ZCCHC3: variants seen among roughly 807,000 people sequenced by gnomAD.
ZCCHC3 encodes the protein zinc finger CCHC domain-containing protein 3.
In ZCCHC3, 20 loss-of-function variants were observed where a neutral mutation model predicts 18.4. The observed-to-expected ratio is 1.09, with a 90% confidence interval of 0.76 to 1.58. The LOEUF (loss-of-function observed/expected upper bound fraction) is 1.58. ZCCHC3 is among the 40% of genes most tolerant of loss of function. The pLI, the probability that ZCCHC3 is intolerant of heterozygous loss-of-function variation, is 0.00. For synonymous variants in ZCCHC3, 310 were observed against 232.7 expected, an observed-to-expected ratio of 1.33 and a Z score of -3.02; for missense variants, 548 against 511.2, an observed-to-expected ratio of 1.07 and a Z score of -0.69.
rs1215191330 is a variant in ZCCHC3 at position 299,659 on chromosome 20, G to T, written c.*861G>T. On this transcript the variant is annotated 3_prime_UTR_variant, in exon 1 of 1. Transcript: ENST00000500893. ...GTAGAGTCCCCTGACCCCAAGCCCGGTGCTCATTCCACTACCTCTCACACT... is the reference window on the plus strand; with the variant it reads ...GTAGAGTCCCCTGACCCCAAGCCCGTTGCTCATTCCACTACCTCTCACACT... The T allele has an allele frequency of 6.0e-6, 1 of 167,262 alleles. No individual in the cohort carries two copies. Among genetic ancestry groups the T allele is most frequent in the Non-Finnish European group, 1.5e-5 (1 of 68,284 alleles). 10.4% of individuals were successfully genotyped at this position (167,262 alleles called of 1,614,324 possible). A position where few individuals can be genotyped will look rare whatever the true frequency, so the allele number is the denominator to read the frequency against.
In ZCCHC3 at chr20:298,050, C is replaced by CGGT. The variant is rs2012674336; in HGVS notation, c.466_467insTGG (p.Ala155_Ala156insVal). 1.3e-6 allele frequency: 2 copies of CGGT among 1,506,040 alleles called. No individual in the cohort carries two copies. The highest frequency in any genetic ancestry group is 2.8e-5 in the African/African-American group (2 of 72,228). 93.3% of individuals were successfully genotyped at this position (1,506,040 alleles called of 1,614,324 possible). On this transcript the variant is annotated inframe_insertion, in exon 1 of 1. Coordinates refer to ENST00000500893, the MANE Select transcript of ZCCHC3 (RefSeq NM_033089.7). The stretch of plus-strand genomic sequence containing the variant: ...GAGCGGCCCCTCCAGGATGAGCCGG[C>CGGT]GGCGGCGGCAGGCCCGGGCAAGGGT...
chr20:298,467 C>G lies in ZCCHC3; in HGVS notation c.881C>G (p.Thr294Ser), dbSNP rs1344674008. 2.6e-6 allele frequency: 2 copies of G among 777,604 alleles called. No homozygotes were observed. The highest frequency in any genetic ancestry group is 4.8e-6 in the Non-Finnish European group (2 of 415,906). The allele number at this position is 777,604 out of a possible 1,614,324, so 48.2% of individuals were successfully genotyped here. A position where few individuals can be genotyped will look rare whatever the true frequency, so the allele number is the denominator to read the frequency against. The part of the protein sequence containing the change: ...VKVTDRFGIW[T>S]GEYKCEIELR... ...GTGACCGACAGGTTTGGGATCTGGA[C>G]CGGGGAGTACAAATGCGAGATCGAG... The change falls in exon 1 of 1, where the codon ACC becomes AGC. Residue 294 changes from threonine (T) to serine (S), a missense_variant. Transcript: ENST00000500893.
chr20:298,266 G>C lies in ZCCHC3; in HGVS notation c.680G>C (p.Arg227Pro). Residue 227 changes from arginine (R) to proline (P), a missense_variant, in exon 1 of 1, where the codon CGC (arginine) becomes CCC (proline). Coordinates refer to ENST00000500893, the MANE Select transcript of ZCCHC3 (RefSeq NM_033089.7). Reference protein sequence around the residue: ...RSAEKLALFLRVYEEKREQED... With the variant: ...RSAEKLALFLPVYEEKREQED... ...GCGGAGAAGCTGGCCCTGTTCCTAC[G>C]CGTCTACGAGGAGAAGCGGGAGCAG... 1 of 874,648 alleles carries C rather than the reference G, an allele frequency of 1.1e-6. No homozygotes were observed. Among genetic ancestry groups the C allele is most frequent in the South Asian group, 1.3e-5 (1 of 76,510 alleles). The allele number at this position is 874,648 out of a possible 1,614,324, so 54.2% of individuals were successfully genotyped here. A position where few individuals can be genotyped will look rare whatever the true frequency, so the allele number is the denominator to read the frequency against.
rs1026051991 is a variant in ZCCHC3 at position 298,032 on chromosome 20, C to T, written c.446C>T (p.Pro149Leu). The change falls in exon 1 of 1, where the codon CCC becomes CTC. Residue 149 changes from proline (P) to leucine (L), a missense_variant. Coordinates refer to ENST00000500893, the MANE Select transcript of ZCCHC3 (RefSeq NM_033089.7). ...PGEAEDAAER[P>L]LQDEPAAAAG... ...GAGGCCGAGGACGCGGCCGAGCGGC[C>T]CCTCCAGGATGAGCCGGCGGCGGCG... The T allele has an allele frequency of 5.5e-6, 8 of 1,453,042 alleles. No individual in the cohort carries two copies. The highest frequency in any genetic ancestry group is 2.7e-5 in the East Asian group (1 of 36,972). The allele number at this position is 1,453,042 out of a possible 1,614,324, so 90.0% of individuals were successfully genotyped here.
rs529564186 is a variant in ZCCHC3, at chr20:299,958, G to A, written c.*1160G>A. 1 of 167,186 alleles carries A rather than the reference G, an allele frequency of 6.0e-6. No individual in the cohort carries two copies. The highest frequency in any genetic ancestry group is 1.9e-4 in the East Asian group (1 of 5,190). The allele number at this position is 167,186 out of a possible 1,614,324, so 10.4% of individuals were successfully genotyped here. On this transcript the variant is annotated 3_prime_UTR_variant, in exon 1 of 1. Transcript: ENST00000500893. ...CATTCATTGCCACCAGTGAGAAATG[G>A]GGGTGCCCCTGTGTAAAGAAACCTA...
rs542278598 is a variant in ZCCHC3, at chr20:298,261, C to T, written c.675C>T (p.Phe225=). ...GCTCAGCGGAGAAGCTGGCCCTGTTCCTACGCGTCTACGAGGAGAAGCGGG... is the reference window on the plus strand; with the variant it reads ...GCTCAGCGGAGAAGCTGGCCCTGTTTCTACGCGTCTACGAGGAGAAGCGGG... The part of the protein sequence containing the change: ...SFRSAEKLAL[F]LRVYEEKREQ... The change falls in exon 1 of 1, where the codon TTC becomes TTT. Residue 225 remains phenylalanine, a synonymous_variant. Coordinates refer to ENST00000500893, the MANE Select transcript of ZCCHC3 (RefSeq NM_033089.7). The T allele has an allele frequency of 5.6e-6, 5 of 892,128 alleles. No individual in the cohort carries two copies. Among genetic ancestry groups the T allele is most frequent in the South Asian group, 5.2e-5 (4 of 76,876 alleles). The allele number at this position is 892,128 out of a possible 1,614,324, so 55.3% of individuals were successfully genotyped here. A position where few individuals can be genotyped will look rare whatever the true frequency, so the allele number is the denominator to read the frequency against.
chr20:298,143 G>A lies in ZCCHC3; in HGVS notation c.557G>A (p.Gly186Glu). The A allele has an allele frequency of 3.2e-6, 5 of 1,585,994 alleles. No individual in the cohort carries two copies. Among genetic ancestry groups the A allele is most frequent in the Non-Finnish European group, 4.3e-6 (5 of 1,156,704 alleles). The change falls in exon 1 of 1, where the codon GGA becomes GAA. Residue 186 changes from glycine to glutamate, a missense_variant. By Grantham distance (98) the Gly-to-Glu change is moderately conservative. Transcript: ENST00000500893. ...TGCCCGACCCGGGACTTCGTGGTAG[G>A]AGCGCTTATCCTGCGCTCCATCGGC... The part of the protein sequence containing the change: ...GACPTRDFVV[G>E]ALILRSIGMD...
In ZCCHC3 at chr20:298,391, A is replaced by G; in HGVS notation, c.805A>G (p.Ile269Val). The G allele has an allele frequency of 1.3e-6, 1 of 782,096 alleles. No homozygotes were observed. 48.4% of individuals were successfully genotyped at this position (782,096 alleles called of 1,614,324 possible). ...GAACGAGACGGTGGACGTGGAGGAC[A>G]TTGTGACTTGGCTCAAGCGCCACTG... ...FRNETVDVED[I>V]VTWLKRHCDV... is the part of the protein sequence containing the mutation. Residue 269 changes from isoleucine (I) to valine (V), a missense_variant, in exon 1 of 1, where the codon ATT becomes GTT. Ile to Val is a conservative substitution (Grantham distance 29). Transcript: ENST00000500893.
chr20:298,241 G>A lies in ZCCHC3; in HGVS notation c.655G>A (p.Ala219Thr). The change falls in exon 1 of 1, where the codon GCG becomes ACG. Residue 219 changes from alanine (A) to threonine (T), a missense_variant. By Grantham distance (58) the Ala-to-Thr change is moderately conservative. Transcript: ENST00000500893. ...CGAATTCGACGTGAGCTTCCGCTCA[G>A]CGGAGAAGCTGGCCCTGTTCCTACG... ...SREFDVSFRS[A>T]EKLALFLRVY... 2.0e-6 allele frequency: 2 copies of A among 983,118 alleles called. No individual in the cohort carries two copies. The highest frequency in any genetic ancestry group is 3.3e-6 in the Non-Finnish European group (2 of 602,852). The allele number at this position is 983,118 out of a possible 1,614,324, so 60.9% of individuals were successfully genotyped here.
In ZCCHC3 at chr20:298,737, A is replaced by G. The variant is rs780537940; in HGVS notation, c.1151A>G (p.Gln384Arg). 1.3e-6 allele frequency: 2 copies of G among 1,594,356 alleles called. No homozygotes were observed. The highest frequency in any genetic ancestry group is 1.1e-5 in the South Asian group (1 of 87,688). ...LCGKRGHAFA[Q>R]CPKAVHNSVA... ...GGCAAGCGAGGACACGCCTTTGCCC[A>G]GTGTCCCAAAGCAGTGCACAATTCC... The change falls in exon 1 of 1, where the codon CAG becomes CGG. Residue 384 changes from glutamine to arginine, a missense_variant. Coordinates refer to ENST00000500893, the MANE Select transcript of ZCCHC3 (RefSeq NM_033089.7).
At position 299,558 on chromosome 20, in the gene ZCCHC3, C is replaced by T. The variant is rs2012711508; in HGVS notation, c.*760C>T. ...TTGGACCAATTCCCTGGTTTTCCAG[C>T]AGATGAAACAGGCCCAAAGAGGTTA... On this transcript the variant is annotated 3_prime_UTR_variant, in exon 1 of 1. Coordinates refer to ENST00000500893, the MANE Select transcript of ZCCHC3 (RefSeq NM_033089.7). The T allele has an allele frequency of 6.0e-6, 1 of 167,074 alleles. No homozygotes were observed. Among genetic ancestry groups the T allele is most frequent in the African/African-American group, 2.4e-5 (1 of 41,444 alleles). 10.3% of individuals were successfully genotyped at this position (167,074 alleles called of 1,614,324 possible).
At position 297,631 on chromosome 20, in the gene ZCCHC3, G is replaced by A; in HGVS notation, c.45G>A (p.Arg15=). 2.9e-6 allele frequency: 4 copies of A among 1,379,478 alleles called. No individual in the cohort carries two copies. Among genetic ancestry groups the A allele is most frequent in the Admixed American group, 3.6e-5 (1 of 27,434 alleles). 85.5% of individuals were successfully genotyped at this position (1,379,478 alleles called of 1,614,324 possible). ...GGAEEERKRG[R]PQLLPPARPA... is the part of the protein sequence containing the mutation. ...CGGAGGAAGAGAGGAAACGGGGGCG[G>A]CCGCAGCTTCTGCCCCCCGCGCGGC... The change falls in exon 1 of 1, where the codon CGG becomes CGA. Residue 15 remains arginine, a synonymous_variant. Transcript: ENST00000500893.
Position 298,686 on chromosome 20 carries a change from G to A in ZCCHC3, c.1100G>A (p.Arg367Gln), listed in dbSNP as rs774455971. Residue 367 changes from arginine (R) to glutamine (Q), a missense_variant, in exon 1 of 1, where the codon CGG becomes CAG. Physicochemically the swap from Arg to Gln is conservative, Grantham distance 43 (BLOSUM62 1). Transcript: ENST00000500893. Reference protein sequence around the residue: ...GEEGHLSPYCRKGIVCNLCGK... With the variant: ...GEEGHLSPYCQKGIVCNLCGK... ...GAGGGGCACCTGAGCCCTTACTGCC[G>A]GAAGGGCATCGTGTGCAACCTCTGT... 1.9e-6 allele frequency: 3 copies of A among 1,594,572 alleles called. No homozygotes were observed. Among genetic ancestry groups the A allele is most frequent in the African/African-American group, 1.3e-5 (1 of 74,530 alleles).
chr20:298,322 G>C lies in ZCCHC3; in HGVS notation c.736G>C (p.Gly246Arg), dbSNP rs1367866035. The C allele has an allele frequency of 2.5e-6, 2 of 788,974 alleles. No homozygotes were observed. Among genetic ancestry groups the C allele is most frequent in the East Asian group, 2.4e-5 (1 of 41,274 alleles). The allele number at this position is 788,974 out of a possible 1,614,324, so 48.9% of individuals were successfully genotyped here. Reference protein sequence around the residue: ...EDCWENFVVLGRSKSSLKTLF... With the variant: ...EDCWENFVVLRRSKSSLKTLF... ...CTGCTGGGAGAACTTTGTGGTGCTGGGGCGGAGCAAGTCCAGCTTGAAGAC... is the reference window on the plus strand; with the variant it reads ...CTGCTGGGAGAACTTTGTGGTGCTGCGGCGGAGCAAGTCCAGCTTGAAGAC... The change falls in exon 1 of 1, where the codon GGG becomes CGG. Residue 246 changes from glycine (G) to arginine (R), a missense_variant. Transcript: ENST00000500893.
At position 297,916 on chromosome 20, in the gene ZCCHC3, C is replaced by G. The variant is rs1380518328; in HGVS notation, c.330C>G (p.Asp110Glu). ...RRRDPAGEAV[D>E]PRKKKGAAEA... ...GAGATCCGGCCGGCGAGGCGGTGGA[C>G]CCCCGCAAAAAGAAGGGCGCTGCGG... The change falls in exon 1 of 1, where the codon GAC becomes GAG. Residue 110 changes from aspartate (D) to glutamate (E), a missense_variant. Coordinates refer to ENST00000500893, the MANE Select transcript of ZCCHC3 (RefSeq NM_033089.7). 4.0e-6 allele frequency: 5 copies of G among 1,264,938 alleles called. No individual in the cohort carries two copies. The highest frequency in any genetic ancestry group is 4.0e-6 in the Non-Finnish European group (4 of 1,007,028). The allele number at this position is 1,264,938 out of a possible 1,614,324, so 78.4% of individuals were successfully genotyped here.
rs1192639456 is a variant in ZCCHC3 at position 297,794 on chromosome 20, G to A, written c.208G>A (p.Gly70Arg). Residue 70 changes from glycine to arginine, a missense_variant, in exon 1 of 1, where the codon GGA (glycine) becomes AGA (arginine). Physicochemically the swap from Gly to Arg is moderately radical, Grantham distance 125. Transcript: ENST00000500893. ...PRREEESGGG[G>R]GSAGLGGPAG... ...GCGGGAGGAGGAAAGCGGCGGCGGT[G>A]GAGGGAGCGCCGGGCTCGGCGGCCC... 5 of 1,324,304 alleles carry A rather than the reference G, an allele frequency of 3.8e-6. No homozygotes were observed. Among genetic ancestry groups the A allele is most frequent in the Admixed American group, 4.0e-5 (1 of 25,038 alleles). The allele number at this position is 1,324,304 out of a possible 1,614,324, so 82.0% of individuals were successfully genotyped here. A position where few individuals can be genotyped will look rare whatever the true frequency, so the allele number is the denominator to read the frequency against.
At position 297,937 on chromosome 20, in the gene ZCCHC3, T is replaced by C. The variant is rs555219534; in HGVS notation, c.351T>C (p.Ala117=). 72 of 1,280,230 alleles carry C rather than the reference T, an allele frequency of 5.6e-5. No individual in the cohort carries two copies. The East Asian group carries it at 2.3e-3, about 41-fold the overall frequency. 79.3% of individuals were successfully genotyped at this position (1,280,230 alleles called of 1,614,324 possible). ...EAVDPRKKKG[A]AEAGRRKKAE... Reference sequence around the variant, plus strand: ...TGGACCCCCGCAAAAAGAAGGGCGCTGCGGAGGCGGGCAGGAGGAAGAAGG... The same window carrying C: ...TGGACCCCCGCAAAAAGAAGGGCGCCGCGGAGGCGGGCAGGAGGAAGAAGG... Residue 117 remains alanine, a synonymous_variant, in exon 1 of 1, where the codon GCT becomes GCC. Transcript: ENST00000500893.
Position 299,538 on chromosome 20 carries a change from C to G in ZCCHC3, c.*740C>G, listed in dbSNP as rs2012711207. ...GAAAGAACCTGAGAGTTGGTTTGGACCAATTCCCTGGTTTTCCAGCAGATG... is the reference window on the plus strand; with the variant it reads ...GAAAGAACCTGAGAGTTGGTTTGGAGCAATTCCCTGGTTTTCCAGCAGATG... On this transcript the variant is annotated 3_prime_UTR_variant, in exon 1 of 1. Coordinates refer to ENST00000500893, the MANE Select transcript of ZCCHC3 (RefSeq NM_033089.7). 6.0e-6 allele frequency: 1 copy of G among 166,942 alleles called. No homozygotes were observed. Among genetic ancestry groups the G allele is most frequent in the South Asian group, 2.1e-4 (1 of 4,818 alleles). The allele number at this position is 166,942 out of a possible 1,614,324, so 10.3% of individuals were successfully genotyped here.
rs967100651 is a variant in ZCCHC3, at chr20:298,784, G to A, written c.1198G>A (p.Val400Met). ...HNSVAAQLTG[V>M]AGH is the part of the protein sequence containing the mutation. Reference sequence around the variant, plus strand: ...TTCCGTGGCAGCTCAGCTAACCGGCGTGGCCGGGCACTAAACACCCGCCTG... The same window carrying A: ...TTCCGTGGCAGCTCAGCTAACCGGCATGGCCGGGCACTAAACACCCGCCTG... Residue 400 changes from valine to methionine, a missense_variant, in exon 1 of 1, where the codon GTG becomes ATG. Val to Met is a conservative substitution (Grantham distance 21). Coordinates refer to ENST00000500893, the MANE Select transcript of ZCCHC3 (RefSeq NM_033089.7). 1 of 1,516,898 alleles carries A rather than the reference G, an allele frequency of 6.6e-7. No individual in the cohort carries two copies. The highest frequency in any genetic ancestry group is 8.9e-7 in the Non-Finnish European group (1 of 1,129,768). The allele number at this position is 1,516,898 out of a possible 1,614,324, so 94.0% of individuals were successfully genotyped here.
Sources: gnomAD v4.1 joint callset for allele counts on GRCh38, gnomAD v4.1.1 for gene constraint, MANE v1.5 for transcripts, NCBI Gene and HGNC (gene_info 2026-07-23, HGNC 2026-07-21) for gene names.